SDHC: variants seen among roughly 807,000 people sequenced by gnomAD.
SDHC encodes succinate dehydrogenase cytochrome b560 subunit, mitochondrial.
A neutral mutation model predicts 22.6 loss-of-function variants in SDHC; 11 were observed. The ratio of observed to expected loss-of-function variants is 0.49; its 90% CI spans 0.31 to 0.81. SDHC has a LOEUF of 0.81. Ranked by LOEUF, SDHC falls within the 30% of genes least tolerant of loss-of-function variation. SDHC has a pLI of 0.05. For missense variants in SDHC, 160 were observed against 212.0 expected (o/e 0.75, Z 1.52); for synonymous variants, 80 against 77.8 (o/e 1.03, Z -0.15).
intron 2 of SDHC, among the ~76,000 whole-genome samples, chr1:161,326,477 A>G (rs1671052620): frequency 6.6e-6 from 1 of 150,476 alleles, no homozygotes. Context: ...ATTATATAGT[A>G]GGGTGTCCTC....
intron 3 of SDHC, chr1:161,339,555 TTC>T (rs1491505364): frequency 7.9e-7 from 1 of 1,264,302 alleles, no homozygotes; most frequent in Non-Finnish European, 1.0e-6. Context: ...ATTTTTTTTT[TTC>T]TCAGCCCTAT....
At chr1:161,350,435 A>G (rs1312929143) in intron 4 of SDHC, among the ~76,000 whole-genome samples, 1 of 152,204 alleles carries the variant, frequency 6.6e-6, no homozygotes, top group Non-Finnish European at 1.5e-5. Context: ...CACAGTGGAT[A>G]TGATTTGCTC....
intron 2 of SDHC, among the ~76,000 whole-genome samples, chr1:161,324,568 T>C (rs1468768593): frequency 6.6e-6 from 1 of 152,246 alleles, no homozygotes; most frequent in Non-Finnish European, 1.5e-5. Flanking sequence ...TAACATTTTA[T>C]TGTGTTTGCT....
At chr1:161,347,859 T>C (rs1263643862) in intron 4 of SDHC, among the ~76,000 whole-genome samples, 1 of 151,856 alleles carries the variant, frequency 6.6e-6, no homozygotes, top group Non-Finnish European at 1.5e-5. Flanking sequence ...AGTGACACTC[T>C]GTCTCAAAAA....
chr1:161,352,939 C>T (rs1456684009), intron 4 of SDHC, among the ~76,000 whole-genome samples: 9 of 151,750 alleles, frequency 5.9e-5, no homozygotes, highest in South Asian at 2.1e-4. Flanking sequence ...ATCGTGCCAC[C>T]GCACTCCAGT....
At chr1:161,343,715 T>G (rs1362413955) in intron 4 of SDHC, among the ~76,000 whole-genome samples, 2 of 152,194 alleles carry the variant, frequency 1.3e-5, no homozygotes, top group East Asian at 3.8e-4. Flanking sequence ...TCTACTCAGT[T>G]TGGTGATATT....
intron 3 of SDHC, among the ~76,000 whole-genome samples, chr1:161,334,977 T>G (rs1459008750): frequency 6.6e-6 from 1 of 152,248 alleles, no homozygotes; most frequent in Non-Finnish European, 1.5e-5. Context: ...TTTTGCCACT[T>G]GTCCCATTAA....
At chr1:161,318,631 A>G (rs552035605) in intron 1 of SDHC, among the ~76,000 whole-genome samples, 1 of 152,348 alleles carries the variant, frequency 6.6e-6, no homozygotes, top group South Asian at 2.1e-4. Context: ...TTTAACTCTC[A>G]ATTTATGAAA....
At chr1:161,356,325 G>C (rs189276020) in intron 4 of SDHC, among the ~76,000 whole-genome samples, 413 of 152,186 alleles carry the variant, frequency 2.7e-3, no homozygotes, top group African/African-American at 9.2e-3. Context: ...GATCACTTGA[G>C]GTCAGGAGTT....
intron 3 of SDHC, chr1:161,339,600 T>G (rs769895155): frequency 5.0e-6 from 6 of 1,209,380 alleles, no homozygotes; most frequent in African/African-American, 3.2e-5. Context: ...TAGGGATCCT[T>G]CTCCATAAAT....
chr1:161,350,188 G>T (rs1672054082), intron 4 of SDHC, among the ~76,000 whole-genome samples: 1 of 152,144 alleles, frequency 6.6e-6, no homozygotes, highest in African/African-American at 2.4e-5. Context: ...AGGTTTACAA[G>T]GGTGATCCAT....
intron 3 of SDHC, among the ~76,000 whole-genome samples, chr1:161,331,072 G>A (rs1033893999): frequency 3.3e-5 from 5 of 151,104 alleles, no homozygotes; most frequent in African/African-American, 7.3e-5. Flanking sequence ...TAGACAAGAC[G>A]TTCCCTTATA....
At chr1:161,339,448 A>C (rs1394560663) in intron 3 of SDHC, 1 of 448,032 alleles carries the variant, frequency 2.2e-6, no homozygotes, top group Non-Finnish European at 3.6e-6. Context: ...CTCCCAAAGT[A>C]CTAGGATTAC....
intron 4 of SDHC, among the ~76,000 whole-genome samples, chr1:161,350,961 A>G (rs1257355212): frequency 6.6e-6 from 1 of 152,162 alleles, no homozygotes; most frequent in African/African-American, 2.4e-5. Flanking sequence ...TGGTGGTGAC[A>G]GTAAGAGGGA....
chr1:161,350,536 A>C (rs1235676479), intron 4 of SDHC, among the ~76,000 whole-genome samples: 2 of 152,238 alleles, frequency 1.3e-5, no homozygotes, highest in Middle Eastern at 3.2e-3. Context: ...AAACATATGC[A>C]TTAAATATGT....
intron 3 of SDHC, among the ~76,000 whole-genome samples, chr1:161,334,951 G>A (rs777197853): frequency 2.6e-5 from 4 of 152,098 alleles, no homozygotes; most frequent in South Asian, 4.1e-4. Context: ...TATCTAAACC[G>A]TAGGTCCCAT....
chr1:161,339,076 C>T (rs1365764293), intron 3 of SDHC, among the ~76,000 whole-genome samples: 1 of 152,152 alleles, frequency 6.6e-6, no homozygotes, highest in African/African-American at 2.4e-5. Context: ...TCTCGAACAC[C>T]TGACCTCATG....
At chr1:161,334,260 A>G (rs943581423) in intron 3 of SDHC, among the ~76,000 whole-genome samples, 1 of 152,148 alleles carries the variant, frequency 6.6e-6, no homozygotes, top group African/African-American at 2.4e-5. Flanking sequence ...CAGTCACATC[A>G]TGCTGACCCT....
chr1:161,357,557 GC>G (rs1357263812), intron 5 of SDHC, among the ~76,000 whole-genome samples: 1 of 145,642 alleles, frequency 6.9e-6, no homozygotes, highest in African/African-American at 2.6e-5. Flanking sequence ...CTCCCACCAC[GC>G]CCGGCTAATT....
Sources: gnomAD v4.1 joint callset for allele counts (sites outside exome capture counted in the v4.1 genomes callset) on GRCh38, gnomAD v4.1.1 for gene constraint, MANE v1.5 for transcripts, NCBI Gene and HGNC (gene_info 2026-07-23, HGNC 2026-07-21) for gene names.